Variants in EEIG1 observed in about 807,000 individuals in gnomAD.
EEIG1 encodes the protein early estrogen-induced gene 1 protein.
the EEIG1 span, among the ~76,000 whole-genome samples, chr9:127,965,106 C>CAAAAA: frequency 2.0e-4 from 14 of 69,726 alleles, no homozygotes; most frequent in East Asian, 6.5e-4. Flanking sequence ...AAGACTGTCT[C>CAAAAA]AAAAAAAAAA....
chr9:127,955,186 G>A, the EEIG1 span, among the ~76,000 whole-genome samples: 51 of 152,338 alleles, frequency 3.3e-4, no homozygotes, highest in East Asian at 9.8e-3. Context: ...TGGGTTAACT[G>A]CCAGATCGAG....
chr9:127,946,275 C>T, the EEIG1 span, among the ~76,000 whole-genome samples: 15 of 152,310 alleles, frequency 9.8e-5, no homozygotes, highest in African/African-American at 3.4e-4. Flanking sequence ...ATGGTGAGGG[C>T]GAGCGGTCTG....
At chr9:127,971,098 G>C in the EEIG1 span, among the ~76,000 whole-genome samples, 1 of 152,312 alleles carries the variant, frequency 6.6e-6, no homozygotes, top group Admixed American at 6.5e-5. Context: ...GAAGTGGTGA[G>C]AGGTAAGAGT....
chr9:127,966,636 C>T, the EEIG1 span, among the ~76,000 whole-genome samples: 1 of 152,184 alleles, frequency 6.6e-6, no homozygotes. Flanking sequence ...CTCTTACAGC[C>T]CAAGAGGCGA....
chr9:127,945,910 A>T, the EEIG1 span, among the ~76,000 whole-genome samples: 64 of 152,352 alleles, frequency 4.2e-4, no homozygotes, highest in Non-Finnish European at 7.1e-4. This position sits in a 1 kb window ranked among gnomAD's most constrained non-coding sequence, Gnocchi z 6.5. Context: ...AGCCTGAGCC[A>T]TAGGTCACCC....
chr9:127,972,474 C>T, the EEIG1 span: 2 of 152,294 alleles, frequency 1.3e-5, no homozygotes, highest in Admixed American at 6.5e-5. The surrounding 1 kb of genome is among the most constrained non-coding windows in gnomAD (Gnocchi z 4.3). Flanking sequence ...TGCCAGGAGC[C>T]GCGCTGGGCG....
the EEIG1 span, among the ~76,000 whole-genome samples, chr9:127,962,293 GA>G: frequency 2.0e-5 from 3 of 152,268 alleles, no homozygotes; most frequent in African/African-American, 4.8e-5. Flanking sequence ...AGTGTCTGGA[GA>G]TTGGGGTGAG....
At chr9:127,940,983 A>G in the EEIG1 span, 1 of 152,202 alleles carries the variant, frequency 6.6e-6, no homozygotes, top group Non-Finnish European at 1.5e-5. Flanking sequence ...TTCCAAAAAT[A>G]TCTCTGATAT....
the EEIG1 span, chr9:127,953,375 C>T: frequency 1.8e-5 from 11 of 598,292 alleles, no homozygotes; most frequent in Admixed American, 2.4e-4. Context: ...ACTTCTGTAC[C>T]ATTTATATTG....
chr9:127,971,955 G>C, the EEIG1 span, among the ~76,000 whole-genome samples: 41 of 152,296 alleles, frequency 2.7e-4, no homozygotes, highest in South Asian at 1.4e-3. Flanking sequence ...AAGCCGACGA[G>C]GCCAGCCTGA....
chr9:127,940,644 T>C, the EEIG1 span: 2 of 151,996 alleles, frequency 1.3e-5, no homozygotes, highest in Non-Finnish European at 2.9e-5. Context: ...CTAGCCTGAG[T>C]TCCCCTAACA....
chr9:127,944,962 C>A, the EEIG1 span: 11 of 1,562,898 alleles, frequency 7.0e-6, no homozygotes, highest in African/African-American at 1.3e-4. Flanking sequence ...AAGCACAGAA[C>A]GACGACAATA....
At chr9:127,958,539 C>G in the EEIG1 span, among the ~76,000 whole-genome samples, 2 of 152,002 alleles carry the variant, frequency 1.3e-5, no homozygotes, top group African/African-American at 4.8e-5. Context: ...GTGGTGCATG[C>G]CTGTAGTCCC....
chr9:127,980,432 G>A, the EEIG1 span: 1 of 230,478 alleles, frequency 4.3e-6, no homozygotes, highest in Non-Finnish European at 8.4e-6. Flanking sequence ...AGGCAGGGGC[G>A]GAGGTGCGGG....
the EEIG1 span, among the ~76,000 whole-genome samples, chr9:127,962,635 C>A: frequency 6.6e-6 from 1 of 152,134 alleles, no homozygotes; most frequent in Non-Finnish European, 1.5e-5. Context: ...ACACATGTCT[C>A]CAGTGACCAG....
At chr9:127,975,305 T>C in the EEIG1 span, among the ~76,000 whole-genome samples, 1 of 152,020 alleles carries the variant, frequency 6.6e-6, no homozygotes, top group Non-Finnish European at 1.5e-5. Context: ...GGCAGCATCT[T>C]TGTGGTGGGC....
chr9:127,949,204 C>T, the EEIG1 span, among the ~76,000 whole-genome samples: 1 of 150,678 alleles, frequency 6.6e-6, no homozygotes, highest in Non-Finnish European at 1.5e-5. Flanking sequence ...GTCCCAGCTA[C>T]TCGGGAGGCT....
At chr9:127,978,704 G>A in the EEIG1 span, among the ~76,000 whole-genome samples, 1 of 152,092 alleles carries the variant, frequency 6.6e-6, no homozygotes, top group Non-Finnish European at 1.5e-5. Context: ...TATCGTGGTA[G>A]CGTGCGCCTG....
chr9:127,946,610 G>T, the EEIG1 span, among the ~76,000 whole-genome samples: 1 of 152,222 alleles, frequency 6.6e-6, no homozygotes, highest in Non-Finnish European at 1.5e-5. Flanking sequence ...TCACACGAAG[G>T]CACCACCTGC....
Sources: allele counts gnomAD v4.1 joint callset (sites outside exome capture counted in the v4.1 genomes callset), GRCh38; gene constraint gnomAD v4.1.1; non-coding constraint Gnocchi (gnomAD v3.1); transcripts MANE v1.5; gene names NCBI Gene and HGNC (gene_info 2026-07-23, HGNC 2026-07-21).